The following MCFD2 variants were observed in gnomAD, a reference collection of about 807,000 sequenced individuals.
The protein encoded by MCFD2 is multiple coagulation factor deficiency 2, ER cargo receptor complex subunit.
In MCFD2, 11 loss-of-function variants were observed where a neutral mutation model predicts 12.8. That is an observed-to-expected ratio of 0.86 (90% CI 0.54 to 1.42). The LOEUF is 1.42. MCFD2 is among the 40% of genes most tolerant of loss of function. The pLI is 0.00. For synonymous variants in MCFD2, 70 were observed against 68.1 expected (o/e 1.03, Z -0.14); for missense variants, 191 against 178.6 (o/e 1.07, Z -0.40).
chr2:46,924,848 G>A (rs765440075), intron 1 of MCFD2, among the ~76,000 whole-genome samples: 13 of 152,194 alleles, frequency 8.5e-5, no homozygotes, highest in African/African-American at 2.9e-4. Flanking sequence ...GGCTGGACTC[G>A]AGCTCTGGGC....
rs1366274311 is a variant in MCFD2, at chr2:46,902,130, C to G, written c.*3333G>C. ...TCGTTTCAGGTTTTCTATTACAGAA[C>G]GTCCATCACATCCAATAAACCAAAT... On this transcript the variant is annotated 3_prime_UTR_variant, in exon 4 of 4. Coordinates refer to ENST00000319466, the MANE Select transcript of MCFD2 (RefSeq NM_139279.6). 1 of 152,614 alleles carries G rather than the reference C, an allele frequency of 6.6e-6. No individual in the cohort carries two copies. The highest frequency in any genetic ancestry group is 6.5e-5 in the Admixed American group (1 of 15,282). The allele number at this position is 152,614 out of a possible 1,614,324, so 9.5% of individuals were successfully genotyped here.
chr2:46,915,739 G>T lies in MCFD2; in HGVS notation c.-23C>A. ...TTCACTCACCCTTACGGTCTCCGAAGCAGACGCGAAGCCCTCCAACGTGAG... is the reference window on the plus strand; with the variant it reads ...TTCACTCACCCTTACGGTCTCCGAATCAGACGCGAAGCCCTCCAACGTGAG... On this transcript the variant is annotated 5_prime_UTR_variant, in exon 1 of 4. Coordinates refer to ENST00000319466, the MANE Select transcript of MCFD2 (RefSeq NM_139279.6). 1.0e-6 allele frequency: 1 copy of T among 979,570 alleles called. No individual in the cohort carries two copies. The highest frequency in any genetic ancestry group is 1.2e-6 in the Non-Finnish European group (1 of 825,598). The allele number at this position is 979,570 out of a possible 1,614,324, so 60.7% of individuals were successfully genotyped here. A position where few individuals can be genotyped will look rare whatever the true frequency, so the allele number is the denominator to read the frequency against.
Position 46,941,622 on chromosome 2 carries a change from C to G in MCFD2, c.-58G>C. On this transcript the variant is annotated 5_prime_UTR_variant, in exon 1 of 3. Transcript: ENST00000409147. The surrounding 1 kb of genome is among the most constrained non-coding windows in gnomAD (Gnocchi z 4.2). ...GCTGCCGCGCCGAGGGCCACTGGGA[C>G]CGCATGCCGGAGCTGGTCCGGCAGC... 6.4e-7 allele frequency: 1 copy of G among 1,555,946 alleles called. No individual in the cohort carries two copies.
upstream of MCFD2, among the ~76,000 whole-genome samples, chr2:46,919,511 C>A (rs189089859): frequency 1.2e-4 from 18 of 152,370 alleles, no homozygotes; most frequent in Admixed American, 2.0e-4. Context: ...TCAGCCTGGG[C>A]AGCAAGAGCT....
Position 46,909,090 on chromosome 2 carries a change from C to A in MCFD2, c.82G>T (p.Glu28Ter), listed in dbSNP as rs772241915. 1 of 1,614,224 alleles carries A rather than the reference C, an allele frequency of 6.2e-7. No individual in the cohort carries two copies. Among genetic ancestry groups the A allele is most frequent in the South Asian group, 1.1e-5 (1 of 91,090 alleles). Residue 28 changes from glutamate (E) to a stop codon, truncating the protein, a stop_gained, in exon 2 of 4, where the codon GAG becomes TAG. Transcript: ENST00000319466. LOFTEE classifies it high-confidence loss of function. ...AFCAPGARAEEPAASFSQPGS... is the reference protein window; with the variant it reads ...AFCAPGARAE ...GGTTGGGAGAAGCTGGCTGCAGGCT[C>A]CTCAGCCCTGGCGCCTGGGGCACAA... is the stretch of plus-strand genomic sequence containing the variant.
chr2:46,929,388 G>A (rs1229756580), intron 1 of MCFD2, among the ~76,000 whole-genome samples: 4 of 152,156 alleles, frequency 2.6e-5, no homozygotes, highest in Non-Finnish European at 5.9e-5. Context: ...TTGGGAGGCT[G>A]AGGCAGGATT....
At chr2:46,934,471 C>A (rs968940759) in intron 1 of MCFD2, among the ~76,000 whole-genome samples, 2 of 152,044 alleles carry the variant, frequency 1.3e-5, no homozygotes, top group African/African-American at 2.4e-5. Flanking sequence ...GTTGGCCAGG[C>A]TGGTCTTGAA....
chr2:46,922,113 C>T (rs142258946), intron 1 of MCFD2, among the ~76,000 whole-genome samples: 32 of 152,146 alleles, frequency 2.1e-4, no homozygotes, highest in African/African-American at 6.7e-4. Flanking sequence ...GTCTGTGAAG[C>T]GTGCCCTTGA....
At position 46,907,615 on chromosome 2, in the gene MCFD2, C is replaced by A; in HGVS notation, c.309+195G>T. On this transcript the variant is annotated intron_variant, in intron 3 of 3. Coordinates refer to ENST00000319466, the MANE Select transcript of MCFD2 (RefSeq NM_139279.6). The surrounding 1 kb of genome is among the most constrained non-coding windows in gnomAD (Gnocchi z 4.1). ...GTCTCACTATATTGCCAAGGCTGGT[C>A]TTGAACTCCTGGCTCAAGTGATCCT... is the stretch of plus-strand genomic sequence containing the variant. 1.6e-6 allele frequency: 1 copy of A among 636,978 alleles called. No individual in the cohort carries two copies. Among genetic ancestry groups the A allele is most frequent in the Admixed American group, 2.3e-5 (1 of 42,630 alleles). The allele number at this position is 636,978 out of a possible 1,614,324, so 39.5% of individuals were successfully genotyped here. A position where few individuals can be genotyped will look rare whatever the true frequency, so the allele number is the denominator to read the frequency against.
chr2:46,938,315 T>G (rs973164116), intron 1 of MCFD2, among the ~76,000 whole-genome samples: 2 of 152,218 alleles, frequency 1.3e-5, no homozygotes, highest in Non-Finnish European at 2.9e-5. Context: ...AATATCAATC[T>G]TAAACTTGAT....
At position 46,908,764 on chromosome 2, in the gene MCFD2, TG is replaced by T. The variant is rs1179274843; in HGVS notation, c.149+258del. 3 of 530,950 alleles carry T rather than the reference TG, an allele frequency of 5.7e-6. No individual in the cohort carries two copies. The African/African-American group carries it at 5.7e-5, about 10-fold the overall frequency. The allele number at this position is 530,950 out of a possible 1,614,324, so 32.9% of individuals were successfully genotyped here. ...CTATTTGTATGTGTGTGTGTCTGTCTGTGGTGAAAAAAAGGAGAGACCGGAT... is the reference window on the plus strand; with the variant it reads ...CTATTTGTATGTGTGTGTGTCTGTCTTGGTGAAAAAAAGGAGAGACCGGAT... On this transcript the variant is annotated intron_variant, in intron 2 of 3. Transcript: ENST00000319466. The surrounding 1 kb of genome is among the most constrained non-coding windows in gnomAD (Gnocchi z 4.5).
chr2:46,927,206 C>T (rs1010916366), intron 1 of MCFD2, among the ~76,000 whole-genome samples: 10 of 151,514 alleles, frequency 6.6e-5, no homozygotes, highest in Non-Finnish European at 1.3e-4. Context: ...TAAAAATTTT[C>T]CAGAACCAAT....
At chr2:46,917,889 C>A (rs932083374), upstream of MCFD2, among the ~76,000 whole-genome samples, 1 of 152,200 alleles carries the variant, frequency 6.6e-6, no homozygotes, top group Non-Finnish European at 1.5e-5. Flanking sequence ...CTACCTCACT[C>A]ATTATCCTTT....
intron 1 of MCFD2, among the ~76,000 whole-genome samples, chr2:46,922,116 G>A (rs1180293022): frequency 6.6e-6 from 1 of 152,056 alleles, no homozygotes; most frequent in African/African-American, 2.4e-5. Context: ...TGTGAAGCGT[G>A]CCCTTGAGCA....
At chr2:46,914,826 A>G (rs62140549) in intron 1 of MCFD2, among the ~76,000 whole-genome samples, 33,017 of 152,244 alleles carry the variant, frequency 0.22, 4,171 homozygotes, top group Non-Finnish European at 0.28. Flanking sequence ...ATGTAAGCCC[A>G]GAAGGAACTT....
At chr2:46,918,954 G>C (rs1280277080), upstream of MCFD2, among the ~76,000 whole-genome samples, 1 of 152,204 alleles carries the variant, frequency 6.6e-6, no homozygotes, top group Non-Finnish European at 1.5e-5. Flanking sequence ...TTTACTTTGT[G>C]TACTCAGGTT....
At chr2:46,919,849 G>T (rs1415857042), upstream of MCFD2, among the ~76,000 whole-genome samples, 2 of 152,238 alleles carry the variant, frequency 1.3e-5, 1 homozygote. Flanking sequence ...AAAAGGTCTT[G>T]CTCTATCACC....
intron 1 of MCFD2, among the ~76,000 whole-genome samples, chr2:46,925,619 T>G (rs1669348152): frequency 6.6e-6 from 1 of 152,174 alleles, no homozygotes; most frequent in Non-Finnish European, 1.5e-5. Flanking sequence ...CTGTATCAAC[T>G]GACTCATTTG....
At chr2:46,924,206 TAAAAA>T (rs34177384) in intron 1 of MCFD2, among the ~76,000 whole-genome samples, 61 of 128,772 alleles carry the variant, frequency 4.7e-4, no homozygotes, top group Non-Finnish European at 8.8e-4. Flanking sequence ...CCTGTCTCTT[TAAAAA>T]AAAAAAAAAC....
Sources: gnomAD v4.1 joint callset for allele counts (sites outside exome capture counted in the v4.1 genomes callset) on GRCh38, gnomAD v4.1.1 for gene constraint, Gnocchi (gnomAD v3.1) non-coding constraint, MANE v1.5 for transcripts, NCBI Gene and HGNC (gene_info 2026-07-23, HGNC 2026-07-21) for gene names.